DLGAP2: variants seen among roughly 807,000 people sequenced by gnomAD.
DLGAP2 encodes the protein DLG associated protein 2, also known as disks large-associated protein 2.
A neutral mutation model predicts 100.3 loss-of-function variants in DLGAP2; 26 were observed. The ratio of observed to expected loss-of-function variants is 0.26; its 90% CI spans 0.19 to 0.36. The LOEUF is 0.36. Ranked by LOEUF, DLGAP2 falls within the 10% of genes least tolerant of loss-of-function variation. The probability of loss-of-function intolerance (pLI) is 1.00; values close to 1 mark genes in which losing one functional copy is unlikely to be tolerated. For synonymous variants in DLGAP2, 886 were observed against 630.1 expected, an observed-to-expected ratio of 1.41 and a Z score of -6.08; for missense variants, 1,858 against 1,453.2, an observed-to-expected ratio of 1.28 and a Z score of -4.53.
intron 1 of DLGAP2, among the ~76,000 whole-genome samples, chr8:889,467 G>C (rs959946608): frequency 6.6e-6 from 1 of 152,160 alleles, no homozygotes; most frequent in Non-Finnish European, 1.5e-5. Context: ...GGAGTTCTGG[G>C]GTCTGTCCCT....
At chr8:839,187 AAAATAG>A (rs1332902763) in intron 1 of DLGAP2, among the ~76,000 whole-genome samples, 1 of 152,240 alleles carries the variant, frequency 6.6e-6, no homozygotes, top group African/African-American at 2.4e-5. Flanking sequence ...GTTCCTAAAA[AAAATAG>A]AAATAGAACT....
chr8:1,546,727 G>C (rs376438155), intron 4 of DLGAP2, among the ~76,000 whole-genome samples: 1 of 152,100 alleles, frequency 6.6e-6, no homozygotes, highest in African/African-American at 2.4e-5. Flanking sequence ...CTCTCCAAGC[G>C]CAGGGCATGA....
At chr8:1,618,740 A>G (rs1251423684) in intron 6 of DLGAP2, among the ~76,000 whole-genome samples, 1 of 152,106 alleles carries the variant, frequency 6.6e-6, no homozygotes, top group Admixed American at 6.6e-5. Context: ...GGGCCAGACA[A>G]TTGTCTCTCA....
At chr8:1,254,748 G>A (rs761844717) in intron 2 of DLGAP2, among the ~76,000 whole-genome samples, 3 of 152,172 alleles carry the variant, frequency 2.0e-5, no homozygotes, top group East Asian at 1.9e-4. Context: ...TTCGGGGGCC[G>A]AGTGAGTGTG....
intron 3 of DLGAP2, among the ~76,000 whole-genome samples, chr8:1,499,488 A>G (rs1353877936): frequency 6.6e-6 from 1 of 152,204 alleles, no homozygotes; most frequent in Admixed American, 6.5e-5. Context: ...AACTGTAGTT[A>G]ATTAGAGCTG....
Position 881,666 on chromosome 8 carries a change from A to ATGTATATATATAT in DLGAP2, c.19-26246_19-26245insTGTATATATATAT. ...AGGCGCACGCCACCACTTGTGGCTG[A>ATGTATATATATAT]ACACACACACACACACTTTTTTTTT... On this transcript the variant is annotated intron_variant, in intron 1 of 14. Transcript: ENST00000637795. Among the ~76,000 whole-genome samples the ATGTATATATATAT allele has an allele frequency of 6.1e-4, 80 of 130,954 alleles. 2 individuals are homozygous for ATGTATATATATAT. The highest frequency in any genetic ancestry group is 9.6e-4 in the South Asian group (4 of 4,166). 85.9% of individuals were successfully genotyped at this position (130,954 alleles called of 152,430 possible).
chr8:1,136,601 A>G (rs745315780), intron 2 of DLGAP2, among the ~76,000 whole-genome samples: 1 of 152,216 alleles, frequency 6.6e-6, no homozygotes, highest in Non-Finnish European at 1.5e-5. Context: ...TGCCTGGTGC[A>G]CAGCAGACCC....
At chr8:1,041,785 G>A (rs1288019102) in intron 2 of DLGAP2, among the ~76,000 whole-genome samples, 1 of 151,490 alleles carries the variant, frequency 6.6e-6, no homozygotes, top group African/African-American at 2.4e-5. Context: ...CGGGAAATGT[G>A]TACTCCGAGC....
chr8:1,200,569 C>T (rs989143184), intron 2 of DLGAP2, among the ~76,000 whole-genome samples: 6 of 152,296 alleles, frequency 3.9e-5, no homozygotes, highest in Middle Eastern at 6.8e-3. Flanking sequence ...CCGGAAAGAG[C>T]CTCCCGCCTG....
intron 6 of DLGAP2, among the ~76,000 whole-genome samples, chr8:1,617,723 C>A (rs1262269580): frequency 1.3e-5 from 2 of 152,262 alleles, no homozygotes; most frequent in East Asian, 3.9e-4. Flanking sequence ...TTAATTAGAT[C>A]CCATTATCTA....
At chr8:1,517,914 C>T (rs560615233) in intron 4 of DLGAP2, among the ~76,000 whole-genome samples, 2 of 152,330 alleles carry the variant, frequency 1.3e-5, no homozygotes, top group East Asian at 1.9e-4. Flanking sequence ...CCATCCCCCA[C>T]GGTATGTTGT....
chr8:1,452,789 C>T (rs542209812), intron 3 of DLGAP2, among the ~76,000 whole-genome samples: 9 of 152,160 alleles, frequency 5.9e-5, no homozygotes, highest in Non-Finnish European at 8.8e-5. Flanking sequence ...TCTGGGGACC[C>T]GAGCTTCTTA....
At chr8:1,656,110 G>T (rs13276176) in intron 8 of DLGAP2, among the ~76,000 whole-genome samples, 32,050 of 152,158 alleles carry the variant, frequency 0.21, 3,498 homozygotes, top group South Asian at 0.37. Context: ...GATCACCTGA[G>T]GTTGGGAGTT....
intron 1 of DLGAP2, among the ~76,000 whole-genome samples, chr8:781,691 A>G (rs1396486058): frequency 6.6e-6 from 1 of 152,228 alleles, no homozygotes; most frequent in African/African-American, 2.4e-5. Context: ...ATGACTTGTT[A>G]AAGAACGAAC....
chr8:741,336 A>G (rs1426177331), intron 1 of DLGAP2, among the ~76,000 whole-genome samples: 1 of 152,186 alleles, frequency 6.6e-6, no homozygotes, highest in African/African-American at 2.4e-5. Context: ...TAATCTCCTC[A>G]GCAAAGGCAG....
chr8:1,275,356 G>A (rs1215585357), intron 3 of DLGAP2, among the ~76,000 whole-genome samples: 3 of 139,640 alleles, frequency 2.1e-5, no homozygotes, highest in Non-Finnish European at 4.6e-5. Flanking sequence ...AGGGAATTTG[G>A]AATGGAAAAA....
intron 3 of DLGAP2, among the ~76,000 whole-genome samples, chr8:1,423,128 A>G (rs189264857): frequency 6.6e-6 from 1 of 152,238 alleles, no homozygotes; most frequent in South Asian, 2.1e-4. Context: ...ATGTTTTTAA[A>G]ATAATGAATG....
intron 3 of DLGAP2, among the ~76,000 whole-genome samples, chr8:1,278,039 C>G (rs183181560): frequency 6.6e-6 from 1 of 152,316 alleles, no homozygotes; most frequent in Admixed American, 6.5e-5. Flanking sequence ...AACAGCTTCT[C>G]AGTAGTCTCT....
At position 1,548,679 on chromosome 8, in the gene DLGAP2, C is replaced by A; in HGVS notation, c.226C>A (p.Pro76Thr). 6.2e-7 allele frequency: 1 copy of A among 1,601,388 alleles called. No homozygotes were observed. The highest frequency in any genetic ancestry group is 1.1e-5 in the South Asian group (1 of 89,328). Residue 76 changes from proline (P) to threonine (T), a missense_variant, in exon 5 of 15, where the codon CCC becomes ACC. Physicochemically the swap from Pro to Thr is conservative, Grantham distance 38. Coordinates refer to ENST00000637795, the MANE Select transcript of DLGAP2 (RefSeq NM_001346810.2). ...GCACTTCAATGAGGAGCGCTACTCG[C>A]CCGCGCCCAGGAGCATGAAGGGCCT... ...TQHFNEERYS[P>T]APRSMKGLSG...
Sources: allele counts gnomAD v4.1 joint callset (sites outside exome capture counted in the v4.1 genomes callset), GRCh38; gene constraint gnomAD v4.1.1; transcripts MANE v1.5; gene names NCBI Gene and HGNC (gene_info 2026-07-23, HGNC 2026-07-21).